The following RTL4 variants were observed in gnomAD, a reference collection of about 807,000 sequenced individuals.
The protein encoded by RTL4 is retrotransposon Gag-like protein 4.
Under a neutral mutation model 5.3 loss-of-function variants are expected in RTL4, and 4 were observed. That is an observed-to-expected ratio of 0.75 (90% CI 0.37 to 1.72). RTL4 has a LOEUF of 1.72. RTL4 is among the 40% of genes most tolerant of loss of function. RTL4 has a pLI of 0.04. For missense variants in RTL4, 260 were observed against 227.1 expected, an observed-to-expected ratio of 1.14 and a Z score of -0.93; for synonymous variants, 98 against 87.3, an observed-to-expected ratio of 1.12 and a Z score of -0.68.
chrX:112,361,616 A>G, the RTL4 span, among the ~76,000 whole-genome samples: 2 of 110,725 alleles, frequency 1.8e-5, no homozygotes, highest in African/African-American at 6.6e-5. Flanking sequence ...CTGCAATGCA[A>G]TCTCTACACC....
chrX:112,281,915 A>G, the RTL4 span, among the ~76,000 whole-genome samples: 1 of 112,012 alleles, frequency 8.9e-6, no homozygotes, highest in East Asian at 2.8e-4. Context: ...TGGCTTACAA[A>G]TATATTTTCC....
the RTL4 span, among the ~76,000 whole-genome samples, chrX:112,269,202 T>C: frequency 8.9e-6 from 1 of 112,100 alleles, no homozygotes; most frequent in Non-Finnish European, 1.9e-5. Context: ...GGATAAGGAG[T>C]ATCTCCTTTT....
At chrX:112,180,713 C>G in the RTL4 span, among the ~76,000 whole-genome samples, 1 of 111,785 alleles carries the variant, frequency 8.9e-6, no homozygotes, top group Non-Finnish European at 1.9e-5. Context: ...AGAGGAATAC[C>G]TTTTCCCCCC....
At chrX:112,374,176 A>G in the RTL4 span, among the ~76,000 whole-genome samples, 1 of 111,379 alleles carries the variant, frequency 9.0e-6, no homozygotes, top group African/African-American at 3.3e-5. Context: ...ATCAAAATAT[A>G]TCTAGAAGTG....
the RTL4 span, among the ~76,000 whole-genome samples, chrX:112,317,228 G>T: frequency 9.0e-6 from 1 of 111,514 alleles, no homozygotes; most frequent in Non-Finnish European, 1.9e-5. Context: ...GTAGTCCCAG[G>T]TACTCGGAAG....
the RTL4 span, among the ~76,000 whole-genome samples, chrX:112,422,506 G>C: frequency 7.8e-4 from 3 of 3,839 alleles, no homozygotes; most frequent in African/African-American, 1.2e-3. Context: ...GTCAGCAAAG[G>C]GGGGGTTCCT....
the RTL4 span, among the ~76,000 whole-genome samples, chrX:112,130,505 T>C: frequency 9.0e-6 from 1 of 110,611 alleles, no homozygotes; most frequent in South Asian, 3.8e-4. Flanking sequence ...AATGCATGCA[T>C]GCTTATTTAA....
the RTL4 span, among the ~76,000 whole-genome samples, chrX:112,104,526 C>T: frequency 9.0e-6 from 1 of 111,713 alleles, no homozygotes; most frequent in African/African-American, 3.3e-5. Flanking sequence ...GGTGTGCAAG[C>T]GTTCTCTGTT....
the RTL4 span, among the ~76,000 whole-genome samples, chrX:112,142,850 A>G: frequency 9.0e-6 from 1 of 111,253 alleles, no homozygotes. Flanking sequence ...TTTTTTTGAG[A>G]CAGAATCTCA....
At chrX:112,378,903 A>G in the RTL4 span, among the ~76,000 whole-genome samples, 2 of 112,335 alleles carry the variant, frequency 1.8e-5, no homozygotes, top group South Asian at 7.4e-4. Context: ...TTAGGTGGCA[A>G]ATTGATTACA....
At chrX:112,234,189 C>T in the RTL4 span, among the ~76,000 whole-genome samples, 1 of 110,187 alleles carries the variant, frequency 9.1e-6, no homozygotes, top group Non-Finnish European at 1.9e-5. Context: ...GAGACTCTGT[C>T]TCAAAAAAAT....
chrX:112,432,029 T>C, the RTL4 span, among the ~76,000 whole-genome samples: 1 of 105,809 alleles, frequency 9.5e-6, no homozygotes, highest in Non-Finnish European at 1.9e-5. Flanking sequence ...TGATTTCCAA[T>C]TTCATCCATG....
At chrX:112,153,361 G>A in the RTL4 span, among the ~76,000 whole-genome samples, 1 of 112,154 alleles carries the variant, frequency 8.9e-6, no homozygotes, top group African/African-American at 3.2e-5. Flanking sequence ...ATGTAAAGTA[G>A]GAAGAGCTGA....
At chrX:112,375,395 C>T in the RTL4 span, among the ~76,000 whole-genome samples, 1 of 111,107 alleles carries the variant, frequency 9.0e-6, no homozygotes, top group African/African-American at 3.3e-5. Context: ...CTCATGGTCT[C>T]TCCTAACCAC....
chrX:112,091,849 T>G, the RTL4 span, among the ~76,000 whole-genome samples: 2,530 of 111,383 alleles, frequency 0.023, 84 homozygotes, highest in African/African-American at 0.078. Flanking sequence ...CAACTTTTAT[T>G]GTAGAACTGC....
the RTL4 span, chrX:112,320,353 G>T: frequency 9.1e-6 from 1 of 109,556 alleles, no homozygotes; most frequent in Non-Finnish European, 1.9e-5. Context: ...CTGAAGGCTT[G>T]GGTTTTGGTA....
chrX:112,348,513 C>A, the RTL4 span, among the ~76,000 whole-genome samples: 1 of 110,087 alleles, frequency 9.1e-6, no homozygotes, highest in African/African-American at 3.3e-5. Flanking sequence ...CACACATACA[C>A]CCACAGAAGG....
chrX:112,328,034 AC>A, the RTL4 span, among the ~76,000 whole-genome samples: 1 of 108,552 alleles, frequency 9.2e-6, no homozygotes, highest in Non-Finnish European at 1.9e-5. Flanking sequence ...AACAACCGGT[AC>A]CAGCTGCTGC....
At chrX:112,446,730 C>T in the RTL4 span, among the ~76,000 whole-genome samples, 1 of 112,061 alleles carries the variant, frequency 8.9e-6, no homozygotes, top group East Asian at 2.8e-4. Context: ...TGCCTGTAAT[C>T]CCAGCTACTT....
Sources: allele counts gnomAD v4.1 joint callset (sites outside exome capture counted in the v4.1 genomes callset), GRCh38; gene constraint gnomAD v4.1.1; transcripts MANE v1.5; gene names NCBI Gene and HGNC (gene_info 2026-07-23, HGNC 2026-07-21).